The following SLC35E1 variants were observed in gnomAD, a reference collection of about 807,000 sequenced individuals.
SLC35E1 encodes solute carrier family 35, member E1.
A neutral mutation model predicts 31.0 loss-of-function variants in SLC35E1; 12 were observed. The ratio of observed to expected loss-of-function variants is 0.39; its 90% CI spans 0.25 to 0.63. The LOEUF is 0.63. SLC35E1 is among the 20% of genes least tolerant of loss of function. The probability of loss-of-function intolerance (pLI) is 0.52; values close to 1 mark genes in which losing one functional copy is unlikely to be tolerated. For missense variants in SLC35E1, 429 were observed against 572.2 expected (o/e 0.75, Z 2.55); for synonymous variants, 257 against 264.1 (o/e 0.97, Z 0.26).
At position 16,553,758 on chromosome 19, in the gene SLC35E1, T is replaced by C. The variant is rs1273531715; in HGVS notation, c.1154A>G (p.Asn385Ser). 4 of 1,612,662 alleles carry C rather than the reference T, an allele frequency of 2.5e-6. No individual in the cohort carries two copies. The highest frequency in any genetic ancestry group is 3.4e-6 in the Non-Finnish European group (4 of 1,179,246). The change falls in exon 6 of 6, where the codon AAC (asparagine) becomes AGC (serine). Residue 385 changes from asparagine to serine, a missense_variant. By Grantham distance (46) the Asn-to-Ser change is conservative. Coordinates refer to ENST00000595753, the MANE Select transcript of SLC35E1 (RefSeq NM_024881.5). ...PQHGDYQYGR[N>S]NILTDHFQYS... ...TTGGAAGTGGTCTGTTAAGATGTTG[T>C]TGCGGCCGTACTGATAGTCCCCGTG...
At chr19:16,568,785 G>A (rs1168764985) in intron 2 of SLC35E1, among the ~76,000 whole-genome samples, 2 of 152,142 alleles carry the variant, frequency 1.3e-5, no homozygotes, top group Non-Finnish European at 2.9e-5. Flanking sequence ...ATCCACCTTG[G>A]CCTCCCAAAG....
chr19:16,566,988 A>C (rs2085935553), intron 3 of SLC35E1, among the ~76,000 whole-genome samples: 1 of 152,238 alleles, frequency 6.6e-6, no homozygotes, highest in South Asian at 2.1e-4. Flanking sequence ...AAACCATATT[A>C]AGAGTGATTA....
chr19:16,572,146 G>A lies in SLC35E1; in HGVS notation c.219C>T (p.Leu73=), dbSNP rs1349126475. 2.6e-6 allele frequency: 4 copies of A among 1,511,720 alleles called. No homozygotes were observed. In the South Asian group the frequency reaches 5.0e-5, roughly 19 times the overall value. The allele number at this position is 1,511,720 out of a possible 1,614,324, so 93.6% of individuals were successfully genotyped here. A position where few individuals can be genotyped will look rare whatever the true frequency, so the allele number is the denominator to read the frequency against. The part of the protein sequence containing the change: ...LCHILALCAG[L]PPLLRAWRVP... ...CGCGCCAGGCGCGCAGCAGCGGCGG[G>A]AGCCCAGCGCACAGAGCCAGGATGT... The change falls in exon 1 of 6, where the codon CTC becomes CTT. Residue 73 remains leucine, a synonymous_variant. Transcript: ENST00000595753. This position sits in a 1 kb window ranked among gnomAD's most constrained non-coding sequence, Gnocchi z 4.1.
chr19:16,553,995 TG>T (rs1428708385), intron 5 of SLC35E1, 86 bp from the exon 6 acceptor site: 1 of 1,233,898 alleles, frequency 8.1e-7, no homozygotes, highest in Non-Finnish European at 1.1e-6. Flanking sequence ...CTGGCTGCGG[TG>T]GCTCACACCT....
intron 1 of SLC35E1, 82 bp downstream of exon 1, chr19:16,571,862 C>A (rs926212717): frequency 1.8e-5 from 25 of 1,393,898 alleles, no homozygotes; most frequent in Non-Finnish European, 2.3e-5. Flanking sequence ...GGACGCGCCC[C>A]GGGCGGCGCA....
chr19:16,568,947 C>T (rs1172470365), intron 2 of SLC35E1, among the ~76,000 whole-genome samples: 1 of 152,218 alleles, frequency 6.6e-6, no homozygotes, highest in Middle Eastern at 3.2e-3. Context: ...TTCTCCAACC[C>T]ACCTCCACCT....
intron 4 of SLC35E1, among the ~76,000 whole-genome samples, chr19:16,559,528 G>A (rs926628611): frequency 1.3e-4 from 20 of 149,228 alleles, no homozygotes; most frequent in Non-Finnish European, 2.2e-4. Flanking sequence ...TGGTGTGAAC[G>A]TGTAGTCCCA....
chr19:16,567,536 T>C (rs1218356402), intron 3 of SLC35E1, among the ~76,000 whole-genome samples: 4 of 152,208 alleles, frequency 2.6e-5, no homozygotes, highest in Admixed American at 2.0e-4. Flanking sequence ...TTTTTTCTTA[T>C]TGAGCACATT....
chr19:16,563,516 C>CT (rs931169128), intron 4 of SLC35E1, among the ~76,000 whole-genome samples: 13 of 151,220 alleles, frequency 8.6e-5, no homozygotes, highest in African/African-American at 1.7e-4. Context: ...CAGACTTCTT[C>CT]TTTTTTTTTA....
intron 4 of SLC35E1, among the ~76,000 whole-genome samples, chr19:16,557,786 G>C (rs1003446663): frequency 9.9e-5 from 15 of 152,152 alleles, no homozygotes; most frequent in Admixed American, 9.8e-4. Context: ...ATGCTCCACT[G>C]TGTGTAACAT....
rs559137932 is a variant in SLC35E1 at position 16,555,029 on chromosome 19, C to T, written c.1002+123G>A. Reference sequence around the variant, plus strand: ...ATGGGGCTACGCCAAGATCATAAACCAGTCAGTGGCAAAGCTCTGACATAC... The same window carrying T: ...ATGGGGCTACGCCAAGATCATAAACTAGTCAGTGGCAAAGCTCTGACATAC... On this transcript the variant is annotated intron_variant, in intron 5 of 5. Transcript: ENST00000595753. This position sits in a 1 kb window ranked among gnomAD's most constrained non-coding sequence, Gnocchi z 4.1. 161 of 1,380,124 alleles carry T rather than the reference C, an allele frequency of 1.2e-4. No homozygotes were observed. The African/African-American group carries it at 2.0e-3, about 17-fold the overall frequency. 85.5% of individuals were successfully genotyped at this position (1,380,124 alleles called of 1,614,324 possible).
At position 16,566,650 on chromosome 19, in the gene SLC35E1, C is replaced by T. The variant is rs762967076; in HGVS notation, c.638G>A (p.Arg213Gln). The T allele has an allele frequency of 2.1e-5, 34 of 1,611,606 alleles. No homozygotes were observed. The East Asian group carries it at 4.5e-4, about 21-fold the overall frequency. Reference protein sequence around the residue: ...LQNIFSKKVLRDSRIHHLRLL... With the variant: ...LQNIFSKKVLQDSRIHHLRLL... Reference sequence around the variant, plus strand: ...CCGGAGATGGTGGATCCGTGAATCTCGCAAGACCTGGAAAGGGAAAGCCTC... The same window carrying T: ...CCGGAGATGGTGGATCCGTGAATCTTGCAAGACCTGGAAAGGGAAAGCCTC... Residue 213 changes from arginine to glutamine, a missense_variant, in exon 4 of 6, where the codon CGA (arginine) becomes CAA (glutamine). By Grantham distance (43) the Arg-to-Gln change is conservative. Coordinates refer to ENST00000595753, the MANE Select transcript of SLC35E1 (RefSeq NM_024881.5).
chr19:16,558,959 G>A (rs1457710775), intron 4 of SLC35E1, among the ~76,000 whole-genome samples: 2 of 150,808 alleles, frequency 1.3e-5, no homozygotes, highest in Non-Finnish European at 3.0e-5. Context: ...TAGTAGAGAC[G>A]GGGTTTCTCC....
At chr19:16,564,212 G>A (rs557815962) in intron 4 of SLC35E1, 215 of 152,618 alleles carry the variant, frequency 1.4e-3, no homozygotes, top group African/African-American at 5.1e-3. Flanking sequence ...ACAAGGTGAA[G>A]GCGGGCATCC....
At chr19:16,557,248 CAGTGGCGCGATCTCTGCTCA>C (rs1357665025) in intron 4 of SLC35E1, 1 of 287,202 alleles carries the variant, frequency 3.5e-6, no homozygotes, top group African/African-American at 2.2e-5. Context: ...GGCTGGAGTG[CAGTGGCGCGATCTCTGCTCA>C]CTGCAAGCTC....
At chr19:16,563,547 T>C (rs1428038864) in intron 4 of SLC35E1, among the ~76,000 whole-genome samples, 1 of 152,130 alleles carries the variant, frequency 6.6e-6, no homozygotes, top group Non-Finnish European at 1.5e-5. Flanking sequence ...ACAGTCTCAC[T>C]TTGTCACCCA....
chr19:16,556,815 AAG>A (rs1828425402), intron 4 of SLC35E1: 1 of 470,158 alleles, frequency 2.1e-6, no homozygotes, highest in Non-Finnish European at 4.4e-6. Flanking sequence ...ACTGCACTCC[AAG>A]AGAGAAGGAT....
At chr19:16,559,813 GTTGA>G (rs1467124635) in intron 4 of SLC35E1, among the ~76,000 whole-genome samples, 4 of 152,126 alleles carry the variant, frequency 2.6e-5, no homozygotes, top group South Asian at 2.1e-4. Context: ...GTTGGCCCTT[GTTGA>G]TTGTCTTTTC....
chr19:16,564,236 G>A (rs1023414751), intron 4 of SLC35E1: 3 of 152,412 alleles, frequency 2.0e-5, no homozygotes, highest in East Asian at 3.8e-4. Flanking sequence ...TGGGAGAAAC[G>A]CTGACCCACA....
Sources: gnomAD v4.1 joint callset for allele counts (sites outside exome capture counted in the v4.1 genomes callset) on GRCh38, gnomAD v4.1.1 for gene constraint, Gnocchi (gnomAD v3.1) non-coding constraint, MANE v1.5 for transcripts, NCBI Gene and HGNC (gene_info 2026-07-23, HGNC 2026-07-21) for gene names.